The following EXOC4 variants were observed in gnomAD, a reference collection of about 807,000 sequenced individuals.
EXOC4 encodes the protein SEC8-like 1.
Under a neutral mutation model 107.2 loss-of-function variants are expected in EXOC4, and 71 were observed. The ratio of observed to expected loss-of-function variants is 0.66; its 90% confidence interval spans 0.55 to 0.81. The LOEUF (loss-of-function observed/expected upper bound fraction) is 0.81. Ranked by LOEUF, EXOC4 falls within the 30% of genes least tolerant of loss-of-function variation. The pLI is 0.00. For missense variants in EXOC4, 1,108 were observed against 1,189.6 expected, an observed-to-expected ratio of 0.93 and a Z score of 1.01; for synonymous variants, 456 against 441.2, an observed-to-expected ratio of 1.03 and a Z score of -0.42.
At chr7:133,494,357 G>A (rs551684363) in intron 9 of EXOC4, among the ~76,000 whole-genome samples, 1 of 152,204 alleles carries the variant, frequency 6.6e-6, no homozygotes, top group Non-Finnish European at 1.5e-5. Flanking sequence ...GGTTACAGCT[G>A]ATCTGAAAGG....
At chr7:133,285,690 G>A (rs115636470) in intron 2 of EXOC4, among the ~76,000 whole-genome samples, 1 of 151,466 alleles carries the variant, frequency 6.6e-6, no homozygotes, top group African/African-American at 2.4e-5. Flanking sequence ...TGAGCACTTG[G>A]TGTGCCTTTT....
chr7:133,419,242 C>A (rs1312985060), intron 7 of EXOC4, among the ~76,000 whole-genome samples: 2 of 151,936 alleles, frequency 1.3e-5, no homozygotes, highest in Non-Finnish European at 2.9e-5. Context: ...CTTGTAGCAC[C>A]ACCAGCAGCA....
chr7:134,090,779 TCACC>T, the EXOC4 span, among the ~76,000 whole-genome samples: 1 of 151,980 alleles, frequency 6.6e-6, no homozygotes, highest in Non-Finnish European at 1.5e-5. Flanking sequence ...CCTGATCCTG[TCACC>T]CACAGCCGTC....
At chr7:133,738,604 G>A (rs971470397) in intron 10 of EXOC4, among the ~76,000 whole-genome samples, 1 of 152,120 alleles carries the variant, frequency 6.6e-6, no homozygotes, top group Non-Finnish European at 1.5e-5. Flanking sequence ...ATTGTGACCT[G>A]TTTTTCATAG....
intron 13 of EXOC4, among the ~76,000 whole-genome samples, chr7:133,920,043 A>G (rs868862151): frequency 1.3e-5 from 2 of 152,230 alleles, no homozygotes; most frequent in African/African-American, 2.4e-5. Context: ...CATTCTTGCC[A>G]ACATTTGATG....
chr7:133,446,826 T>G (rs1437535445), intron 7 of EXOC4, among the ~76,000 whole-genome samples: 1 of 152,202 alleles, frequency 6.6e-6, no homozygotes, highest in African/African-American at 2.4e-5. Context: ...TATTCTTGAT[T>G]TGCAACTATT....
chr7:134,008,530 G>A (rs1449957665), intron 17 of EXOC4, among the ~76,000 whole-genome samples: 1 of 151,816 alleles, frequency 6.6e-6, no homozygotes, highest in Non-Finnish European at 1.5e-5. Flanking sequence ...ATTTTTACAG[G>A]AACCTACTTC....
At chr7:133,418,953 G>T (rs773078546) in intron 7 of EXOC4, among the ~76,000 whole-genome samples, 2 of 152,208 alleles carry the variant, frequency 1.3e-5, no homozygotes, top group Non-Finnish European at 2.9e-5. Context: ...AAGGATGACA[G>T]ATAATTTCAG....
intron 9 of EXOC4, among the ~76,000 whole-genome samples, chr7:133,532,353 A>G (rs1410727957): frequency 1.3e-5 from 2 of 152,220 alleles, no homozygotes; most frequent in South Asian, 4.1e-4. Context: ...GACAAGATTT[A>G]TGATAAATTT....
At chr7:134,075,903 G>A in the EXOC4 span, among the ~76,000 whole-genome samples, 1 of 152,212 alleles carries the variant, frequency 6.6e-6, no homozygotes, top group East Asian at 1.9e-4. Context: ...AAGATGCAGA[G>A]CAGAGCCCCA....
At chr7:133,697,494 G>T (rs1794562127) in intron 10 of EXOC4, among the ~76,000 whole-genome samples, 1 of 152,186 alleles carries the variant, frequency 6.6e-6, no homozygotes, top group South Asian at 2.1e-4. Flanking sequence ...GAATCCAGAG[G>T]TGTGTAACTC....
chr7:133,378,647 G>C (rs2150696416), intron 7 of EXOC4, among the ~76,000 whole-genome samples: 1 of 152,220 alleles, frequency 6.6e-6, no homozygotes, highest in East Asian at 1.9e-4. Flanking sequence ...GGTAGCCTAT[G>C]ATAAGTTAAG....
At chr7:133,312,250 G>T (rs1563013554) in intron 4 of EXOC4, among the ~76,000 whole-genome samples, 1 of 152,116 alleles carries the variant, frequency 6.6e-6, no homozygotes, top group Non-Finnish European at 1.5e-5. Context: ...GGTTTCTAAG[G>T]TGCATTTTTG....
intron 7 of EXOC4, among the ~76,000 whole-genome samples, chr7:133,375,468 G>A (rs1467531637): frequency 2.6e-5 from 4 of 151,576 alleles, no homozygotes; most frequent in East Asian, 1.9e-4. Flanking sequence ...GTGAGACTCC[G>A]TCTAAACAAA....
At chr7:133,536,162 G>A (rs1800265700) in intron 9 of EXOC4, among the ~76,000 whole-genome samples, 1 of 152,118 alleles carries the variant, frequency 6.6e-6, no homozygotes, top group Admixed American at 6.6e-5. Flanking sequence ...ATAAAATAGG[G>A]GTTGGTTGTG....
chr7:133,528,427 A>G (rs1231368490), intron 9 of EXOC4, among the ~76,000 whole-genome samples: 3 of 152,152 alleles, frequency 2.0e-5, no homozygotes, highest in Non-Finnish European at 2.9e-5. Context: ...TGAATTTGGA[A>G]TTAGTGATTC....
chr7:133,610,661 CTGCTT>C (rs762827677), intron 9 of EXOC4, among the ~76,000 whole-genome samples: 8 of 152,190 alleles, frequency 5.3e-5, no homozygotes, highest in Middle Eastern at 6.8e-3. Context: ...AATCTTAAAC[CTGCTT>C]TCCTCTGAGG....
chr7:133,420,862 G>A (rs1797588608), intron 7 of EXOC4, among the ~76,000 whole-genome samples: 1 of 150,562 alleles, frequency 6.6e-6, no homozygotes, highest in African/African-American at 2.4e-5. Context: ...GGGAATTTTT[G>A]GTATTCTTTC....
chr7:133,699,278 C>G (rs1562913627), intron 10 of EXOC4, among the ~76,000 whole-genome samples: 1 of 152,136 alleles, frequency 6.6e-6, no homozygotes, highest in Non-Finnish European at 1.5e-5. Flanking sequence ...CTTTCCTAGA[C>G]TGAGTCAGTG....
Sources: allele counts gnomAD v4.1 joint callset (sites outside exome capture counted in the v4.1 genomes callset), GRCh38; gene constraint gnomAD v4.1.1; transcripts MANE v1.5; gene names NCBI Gene and HGNC (gene_info 2026-07-23, HGNC 2026-07-21).